TMTC2: variants seen among roughly 807,000 people sequenced by gnomAD.
The protein encoded by TMTC2 is transmembrane O-mannosyltransferase targeting cadherins 2.
Under a neutral mutation model 82.4 loss-of-function variants are expected in TMTC2, and 43 were observed. The observed-to-expected ratio is 0.52, with a 90% CI of 0.41 to 0.67. The LOEUF is 0.67. TMTC2 is among the 30% of genes least tolerant of loss of function. TMTC2 has a pLI of 0.00. For synonymous variants in TMTC2, 408 were observed against 381.9 expected (o/e 1.07, Z -0.80); for missense variants, 919 against 1,012.4 (o/e 0.91, Z 1.25).
At chr12:82,791,343 A>G (rs1336831057) in intron 1 of TMTC2, among the ~76,000 whole-genome samples, 1 of 151,996 alleles carries the variant, frequency 6.6e-6, no homozygotes, top group East Asian at 1.9e-4. Flanking sequence ...TCTTGTCTGT[A>G]TTCTCTGCTA....
intron 11 of TMTC2, among the ~76,000 whole-genome samples, chr12:83,108,796 C>T (rs1884502641): frequency 6.6e-6 from 1 of 152,116 alleles, no homozygotes; most frequent in Non-Finnish European, 1.5e-5. Context: ...ACAGCTGCTT[C>T]AGTGATTAAA....
intron 3 of TMTC2, among the ~76,000 whole-genome samples, chr12:82,898,937 C>T (rs1028909541): frequency 1.3e-5 from 2 of 152,148 alleles, no homozygotes; most frequent in South Asian, 2.1e-4. Context: ...CGTTTTGTAA[C>T]GCTTAGGTAT....
intron 1 of TMTC2, among the ~76,000 whole-genome samples, chr12:82,743,821 AT>A (rs1324633909): frequency 2.6e-5 from 4 of 152,218 alleles, no homozygotes; most frequent in African/African-American, 9.7e-5. Context: ...ACTACAGAAA[AT>A]ATGACTCTGT....
At chr12:82,860,805 C>T (rs901509652) in intron 2 of TMTC2, among the ~76,000 whole-genome samples, 1 of 152,176 alleles carries the variant, frequency 6.6e-6, no homozygotes, top group African/African-American at 2.4e-5. Context: ...TAGTAATTGA[C>T]CAAAGCTGAA....
At chr12:82,924,941 C>T (rs1875615183) in intron 3 of TMTC2, among the ~76,000 whole-genome samples, 1 of 152,134 alleles carries the variant, frequency 6.6e-6, no homozygotes, top group African/African-American at 2.4e-5. Context: ...TGTGATTGGA[C>T]CCTTGCCTAT....
At chr12:83,073,049 G>GTT (rs34935782) in intron 11 of TMTC2, among the ~76,000 whole-genome samples, 2,402 of 149,088 alleles carry the variant, frequency 0.016, 34 homozygotes, top group Non-Finnish European at 0.027. Context: ...GTGTACTTTG[G>GTT]TTTTTTTTTT....
At chr12:83,001,419 C>T (rs1392111635) in intron 8 of TMTC2, among the ~76,000 whole-genome samples, 3 of 151,914 alleles carry the variant, frequency 2.0e-5, no homozygotes, top group Non-Finnish European at 2.9e-5. Context: ...GGGTGGGTCA[C>T]CTCAGGTGGG....
At chr12:83,070,352 G>C (rs1883065879) in intron 11 of TMTC2, among the ~76,000 whole-genome samples, 1 of 151,878 alleles carries the variant, frequency 6.6e-6, no homozygotes, top group Non-Finnish European at 1.5e-5. Context: ...TGTTTCATCT[G>C]TGATTTCTTT....
At chr12:83,115,117 G>A (rs1303740633) in intron 11 of TMTC2, among the ~76,000 whole-genome samples, 3 of 152,100 alleles carry the variant, frequency 2.0e-5, no homozygotes, top group Non-Finnish European at 1.5e-5. Flanking sequence ...CATGTATTAT[G>A]TATTTTTAAA....
At chr12:82,810,678 G>A (rs544970399) in intron 1 of TMTC2, among the ~76,000 whole-genome samples, 22 of 151,958 alleles carry the variant, frequency 1.4e-4, no homozygotes, top group Non-Finnish European at 2.8e-4. Flanking sequence ...ATCTCATCTC[G>A]AATTGTAATC....
At chr12:82,836,143 A>C (rs1010202217) in intron 1 of TMTC2, among the ~76,000 whole-genome samples, 1 of 131,106 alleles carries the variant, frequency 7.6e-6, no homozygotes, top group Non-Finnish European at 1.5e-5. Context: ...GGAGAATGGA[A>C]TAGCTTGTAT....
chr12:82,796,511 T>C (rs979389159), intron 1 of TMTC2, among the ~76,000 whole-genome samples: 1 of 152,162 alleles, frequency 6.6e-6, no homozygotes, highest in Non-Finnish European at 1.5e-5. Context: ...CTTTACATTT[T>C]GGTGAAAATA....
intron 1 of TMTC2, among the ~76,000 whole-genome samples, chr12:82,745,441 G>T (rs1245480181): frequency 6.6e-6 from 1 of 152,200 alleles, no homozygotes; most frequent in Non-Finnish European, 1.5e-5. Flanking sequence ...TGACTGAACA[G>T]AACTAGAGTG....
intron 1 of TMTC2, among the ~76,000 whole-genome samples, chr12:82,701,303 A>C (rs1873064606): frequency 6.6e-6 from 1 of 152,184 alleles, no homozygotes; most frequent in Admixed American, 6.5e-5. Flanking sequence ...TCTCAGGAAT[A>C]CTTTTATGTA....
intron 1 of TMTC2, among the ~76,000 whole-genome samples, chr12:82,756,388 T>C (rs994142234): frequency 6.6e-6 from 1 of 152,184 alleles, no homozygotes; most frequent in African/African-American, 2.4e-5. Context: ...AAAGCCTACA[T>C]ATATTCTTTA....
At chr12:82,876,077 G>GGTA (rs1302767432) in intron 2 of TMTC2, among the ~76,000 whole-genome samples, 5 of 127,750 alleles carry the variant, frequency 3.9e-5, no homozygotes, top group Non-Finnish European at 6.4e-5. Context: ...TGATGATGAT[G>GGTA]ATGGTGATTA....
At chr12:82,892,715 T>C (rs925050697) in intron 2 of TMTC2, among the ~76,000 whole-genome samples, 2 of 152,216 alleles carry the variant, frequency 1.3e-5, no homozygotes, top group Non-Finnish European at 2.9e-5. Flanking sequence ...ACATCCCCGA[T>C]CACTTCCACC....
In TMTC2 at chr12:83,084,010, G is replaced by A. The variant is rs75002861; in HGVS notation, c.2331+22179G>A. ...AATCTTCTCTTTTTACCCCCGACAC[G>A]TATCCTCTGGGTCTTTTGGTTCTCC... On this transcript the variant is annotated intron_variant, in intron 11 of 11. Transcript: ENST00000321196. Among the ~76,000 whole-genome samples, 798 of 152,262 alleles carry A rather than the reference G, an allele frequency of 5.2e-3. 8 individuals are homozygous for A. The highest frequency in any genetic ancestry group is 0.018 in the African/African-American group (768 of 41,544).
chr12:82,934,394 G>A (rs1876204629), intron 4 of TMTC2, among the ~76,000 whole-genome samples: 1 of 146,926 alleles, frequency 6.8e-6, no homozygotes. Context: ...CCCACCCCTT[G>A]ACAGGCCCCG....
Sources: allele counts gnomAD v4.1 joint callset (sites outside exome capture counted in the v4.1 genomes callset), GRCh38; gene constraint gnomAD v4.1.1; transcripts MANE v1.5; gene names NCBI Gene and HGNC (gene_info 2026-07-23, HGNC 2026-07-21).